The following SLC12A2 variants were observed in gnomAD, a reference collection of about 807,000 sequenced individuals.
SLC12A2 encodes the protein solute carrier family 12 member 2, also known as Na-K-2Cl cotransporter 1.
In SLC12A2, 67 loss-of-function variants were observed where a neutral mutation model predicts 136.3. The observed-to-expected ratio is 0.49, with a 90% confidence interval of 0.40 to 0.60. The LOEUF (loss-of-function observed/expected upper bound fraction) is 0.60, where lower values mean the gene tolerates loss of function less well. Among genes scored for constraint, SLC12A2 ranks in the 20% least tolerant of loss-of-function variants. SLC12A2 has a pLI of 0.00. For synonymous variants in SLC12A2, 619 were observed against 562.9 expected (o/e 1.10, Z -1.41); for missense variants, 1,322 against 1,534.7 (o/e 0.86, Z 2.32).
chr5:128,184,334 T>C (rs1763800386), intron 24 of SLC12A2, 32 bp from the exon 25 acceptor site: 1 of 1,332,484 alleles, frequency 7.5e-7, no homozygotes, highest in Non-Finnish European at 1.0e-6. Flanking sequence ...TAAAATAAGA[T>C]TAGTTGTCAG....
intron 22 of SLC12A2, among the ~76,000 whole-genome samples, chr5:128,180,609 A>G (rs1284421491): frequency 2.0e-5 from 3 of 152,144 alleles, no homozygotes; most frequent in Non-Finnish European, 4.4e-5. Flanking sequence ...GTCAATAATT[A>G]TACTTATTTT....
At chr5:128,160,543 A>G (rs1581123780) in intron 16 of SLC12A2, among the ~76,000 whole-genome samples, 2 of 152,220 alleles carry the variant, frequency 1.3e-5, no homozygotes, top group East Asian at 3.9e-4. Context: ...CTGAATTTCT[A>G]AGTTCAAACA....
intron 2 of SLC12A2, 59 bp downstream of exon 2, chr5:128,112,992 C>G: frequency 7.0e-7 from 1 of 1,423,400 alleles, no homozygotes; most frequent in East Asian, 2.4e-5. Flanking sequence ...ATAAAATCTT[C>G]CTAACGTTCT....
intron 1 of SLC12A2, among the ~76,000 whole-genome samples, chr5:128,094,440 A>T (rs116529262): frequency 2.6e-3 from 399 of 152,136 alleles, no homozygotes; most frequent in African/African-American, 9.3e-3. Context: ...AATCATAGAC[A>T]TGCAGAGCTA....
rs1041388964 is a variant in SLC12A2, at chr5:128,175,149, G to A, written c.2929+483G>A. Among the ~76,000 whole-genome samples the A allele has an allele frequency of 5.9e-5, 9 of 151,900 alleles. No homozygotes were observed. The East Asian group carries it at 9.6e-4, about 16-fold the overall frequency. On this transcript the variant is annotated intron_variant, in intron 20 of 26. Transcript: ENST00000262461. ...CATCTGTCCTATTCCCAGCTGACAC[G>A]CAACAAGAAAATAATCTGCGCTGTG...
chr5:128,127,576 T>G lies in SLC12A2; in HGVS notation c.1049-3491T>G, dbSNP rs531063154. On this transcript the variant is annotated intron_variant, in intron 4 of 26. Coordinates refer to ENST00000262461, the MANE Select transcript of SLC12A2 (RefSeq NM_001046.3). ...GAAGCCATCTCTGCCTATAGTTTTT[T>G]TTTTGGCAGGAGTGCTTATCACAAA... Among the ~76,000 whole-genome samples the G allele has an allele frequency of 3.3e-5, 5 of 152,272 alleles. No individual in the cohort carries two copies. In the South Asian group the frequency reaches 6.2e-4, roughly 19 times the overall value.
At chr5:128,117,840 A>G (rs1362062002) in intron 4 of SLC12A2, among the ~76,000 whole-genome samples, 2 of 152,170 alleles carry the variant, frequency 1.3e-5, no homozygotes, top group African/African-American at 4.8e-5. Flanking sequence ...AGGACTAATA[A>G]TGCAAAATCT....
chr5:128,110,931 A>C, intron 1 of SLC12A2: 1 of 893,440 alleles, frequency 1.1e-6, no homozygotes, highest in Non-Finnish European at 1.9e-6. Flanking sequence ...AAAGGGTAGA[A>C]CCACAGACTG....
At chr5:128,114,334 T>C in intron 3 of SLC12A2, 47 bp downstream of exon 3, 1 of 1,418,420 alleles carries the variant, frequency 7.1e-7, no homozygotes, top group Non-Finnish European at 1.0e-6. Context: ...GCAAAATAAC[T>C]GTGTCTGAGC....
chr5:128,121,082 A>G (rs1402999042), intron 4 of SLC12A2, among the ~76,000 whole-genome samples: 2 of 152,128 alleles, frequency 1.3e-5, no homozygotes, highest in South Asian at 4.1e-4. Context: ...GAGATTTAAT[A>G]TTACTAATTA....
chr5:128,149,411 G>A (rs943796173), intron 12 of SLC12A2, among the ~76,000 whole-genome samples: 1 of 151,706 alleles, frequency 6.6e-6, no homozygotes, highest in Non-Finnish European at 1.5e-5. Flanking sequence ...GCAATATCTC[G>A]TAAACTTTTC....
chr5:128,164,847 G>GTTTTT (rs35076550), intron 17 of SLC12A2, among the ~76,000 whole-genome samples: 4 of 123,564 alleles, frequency 3.2e-5, no homozygotes, highest in Non-Finnish European at 3.5e-5. Flanking sequence ...AAACTGTTTT[G>GTTTTT]TTTTTTTTTT....
chr5:128,149,907 C>T lies in SLC12A2; in HGVS notation c.2006-90C>T, dbSNP rs2617618. 862,302 of 863,670 alleles carry T rather than the reference C, an allele frequency of 1. 430,468 individuals carry two copies. Among genetic ancestry groups the T allele is most frequent in the Admixed American group, 1 (54,237 of 54,242 alleles). The allele number at this position is 863,670 out of a possible 1,614,324, so 53.5% of individuals were successfully genotyped here. ...GCTGGATGGTGGTTATGGGGTGTTA[C>T]GTTGTTATCTAAAGATTTGAAATAC... On this transcript the variant is annotated intron_variant, in intron 12 of 26. Coordinates refer to ENST00000262461, the MANE Select transcript of SLC12A2 (RefSeq NM_001046.3).
At chr5:128,179,296 G>A (rs1327596457) in intron 22 of SLC12A2, among the ~76,000 whole-genome samples, 1 of 152,124 alleles carries the variant, frequency 6.6e-6, no homozygotes, top group African/African-American at 2.4e-5. Context: ...TATTGTTGTG[G>A]TTGCCAAATG....
intron 1 of SLC12A2, among the ~76,000 whole-genome samples, chr5:128,109,332 GTGCCTGCCCTGCA>G (rs756658208): frequency 1.4e-4 from 21 of 152,346 alleles, no homozygotes; most frequent in Non-Finnish European, 2.4e-4. Context: ...GGAAACCCAC[GTGCCTGCCCTGCA>G]TGCCTGCCCT....
At chr5:128,166,825 G>T (rs1443429964) in intron 17 of SLC12A2, among the ~76,000 whole-genome samples, 1 of 151,700 alleles carries the variant, frequency 6.6e-6, no homozygotes, top group Non-Finnish European at 1.5e-5. Context: ...TTTATCTTTT[G>T]CTACAATAAA....
chr5:128,109,277 C>T (rs1172211095), intron 1 of SLC12A2, among the ~76,000 whole-genome samples: 2 of 152,374 alleles, frequency 1.3e-5, no homozygotes, highest in East Asian at 1.9e-4. Context: ...TGGTGACCCT[C>T]ACCTAGGCGT....
At chr5:128,137,910 A>G (rs777183766) in intron 7 of SLC12A2, among the ~76,000 whole-genome samples, 1 of 151,584 alleles carries the variant, frequency 6.6e-6, no homozygotes. Context: ...AGTTGATTCT[A>G]TATTATTATG....
intron 1 of SLC12A2, among the ~76,000 whole-genome samples, chr5:128,107,331 T>G (rs886079900): frequency 1.3e-5 from 2 of 152,236 alleles, no homozygotes; most frequent in African/African-American, 4.8e-5. Flanking sequence ...CTAGCATACA[T>G]GTGCAGAACG....
Sources: allele counts gnomAD v4.1 joint callset (sites outside exome capture counted in the v4.1 genomes callset), GRCh38; gene constraint gnomAD v4.1.1; transcripts MANE v1.5; gene names NCBI Gene and HGNC (gene_info 2026-07-23, HGNC 2026-07-21).